ALOX12B: variants seen among roughly 807,000 people sequenced by gnomAD.
The protein encoded by ALOX12B is arachidonate 12-lipoxygenase, 12R-type.
In ALOX12B, 47 loss-of-function variants were observed where a neutral mutation model predicts 78.9. That is an observed-to-expected ratio of 0.60 (90% CI 0.47 to 0.76). The LOEUF is 0.76. Among genes scored for constraint, ALOX12B ranks in the 30% least tolerant of loss-of-function variants. The probability of loss-of-function intolerance (pLI) is 0.00; values close to 1 mark genes in which losing one functional copy is unlikely to be tolerated. For missense variants in ALOX12B, 805 were observed against 922.6 expected (o/e 0.87, Z 1.65); for synonymous variants, 370 against 374.5 (o/e 0.99, Z 0.14).
Position 8,080,071 on chromosome 17 carries a change from G to A in ALOX12B, c.755-130C>T. On this transcript the variant is annotated intron_variant, in intron 6 of 14. Transcript: ENST00000647874. This position sits in a 1 kb window ranked among gnomAD's most constrained non-coding sequence, Gnocchi z 4.8. ...AAAACGAGGCCCCCAGCCTGGCGCT[G>A]AGCGGCCGGAGGAGCCCGGTGCGAC... is the stretch of plus-strand genomic sequence containing the variant. 1 of 1,496,292 alleles carries A rather than the reference G, an allele frequency of 6.7e-7. No individual in the cohort carries two copies. The highest frequency in any genetic ancestry group is 9.2e-7 in the Non-Finnish European group (1 of 1,085,394). The allele number at this position is 1,496,292 out of a possible 1,614,324, so 92.7% of individuals were successfully genotyped here.
At chr17:8,073,432 G>T in intron 13 of ALOX12B, 114 bp from the exon 14 acceptor site, 2 of 1,465,232 alleles carry the variant, frequency 1.4e-6, no homozygotes, top group Non-Finnish European at 1.9e-6. Flanking sequence ...CGCCCTTGGC[G>T]CTGAGGCTGG....
Position 8,077,907 on chromosome 17 carries a change from C to T in ALOX12B, c.1072-714G>A, listed in dbSNP as rs1309505301. On this transcript the variant is annotated intron_variant, in intron 8 of 14. Coordinates refer to ENST00000647874, the MANE Select transcript of ALOX12B (RefSeq NM_001139.3). Reference sequence around the variant, plus strand: ...CATAGGGGCATACAAGTACAGCTGGCCCTCCGTATCCATGGGTTCCACACC... The same window carrying T: ...CATAGGGGCATACAAGTACAGCTGGTCCTCCGTATCCATGGGTTCCACACC... Among the ~76,000 whole-genome samples the T allele has an allele frequency of 2.6e-5, 4 of 152,256 alleles. No homozygotes were observed. In the East Asian group the frequency reaches 7.7e-4, roughly 29 times the overall value.
intron 2 of ALOX12B, among the ~76,000 whole-genome samples, chr17:8,082,110 A>G (rs1233231800): frequency 2.0e-5 from 3 of 152,172 alleles, no homozygotes; most frequent in Non-Finnish European, 4.4e-5. Context: ...CTGTGTATAT[A>G]TACCACATTT....
intron 12 of ALOX12B, among the ~76,000 whole-genome samples, chr17:8,074,944 A>G (rs560998324): frequency 1.2e-4 from 18 of 152,332 alleles, no homozygotes; most frequent in African/African-American, 3.4e-4. Context: ...TTAGCCAAGA[A>G]GTTAGATTTC....
At position 8,073,766 on chromosome 17, in the gene ALOX12B, CG is replaced by C; in HGVS notation, c.1655-10del. ...CAAGCACCTAGGGAAGCCTGACCGG[CG>C]GGGGAAAAGCCCAGGCGACATCAGT... On this transcript the variant is annotated splice_polypyrimidine_tract_variant and intron_variant, in intron 12 of 14. Coordinates refer to ENST00000647874, the MANE Select transcript of ALOX12B (RefSeq NM_001139.3). The C allele has an allele frequency of 6.2e-7, 1 of 1,612,064 alleles. No homozygotes were observed. Among genetic ancestry groups the C allele is most frequent in the South Asian group, 1.1e-5 (1 of 90,892 alleles).
intron 2 of ALOX12B, among the ~76,000 whole-genome samples, chr17:8,083,981 A>AC (rs1206993455): frequency 6.6e-6 from 1 of 151,826 alleles, no homozygotes; most frequent in Non-Finnish European, 1.5e-5. Flanking sequence ...ACACGGTGAA[A>AC]CCCCATCTGT....
At position 8,079,932 on chromosome 17, in the gene ALOX12B, G is replaced by T. The variant is rs1269636271; in HGVS notation, c.764C>A (p.Ala255Asp). Residue 255 changes from alanine to aspartate, a missense_variant, in exon 7 of 15, where the codon GCC (alanine) becomes GAC (aspartate). Coordinates refer to ENST00000647874, the MANE Select transcript of ALOX12B (RefSeq NM_001139.3). This position sits in a 1 kb window ranked among gnomAD's most constrained non-coding sequence, Gnocchi z 6.4. ...GKKSVVSEYV[A>D]EHWAEDTFFG... ...GAAGGTGTCCTCTGCCCAGTGCTCG[G>T]CCACGTACTCTGCGAGGACGGCGCG... 6 of 1,612,046 alleles carry T rather than the reference G, an allele frequency of 3.7e-6. No individual in the cohort carries two copies. Among genetic ancestry groups the T allele is most frequent in the Non-Finnish European group, 4.2e-6 (5 of 1,179,390 alleles).
chr17:8,076,116 C>A, intron 11 of ALOX12B, 59 bp downstream of exon 11: 1 of 1,608,232 alleles, frequency 6.2e-7, no homozygotes, highest in Non-Finnish European at 8.5e-7. Flanking sequence ...CTCCCCACAC[C>A]CTCTCCAACA....
At chr17:8,086,319 G>T (rs925294291) in intron 1 of ALOX12B, 99 bp from the exon 2 acceptor site, 4 of 1,210,542 alleles carry the variant, frequency 3.3e-6, no homozygotes, top group African/African-American at 1.5e-5. Flanking sequence ...CTCATGCTGC[G>T]CAATGCTCAC....
In ALOX12B at chr17:8,072,786, G is replaced by C; in HGVS notation, c.2091C>G (p.Asn697Lys). The C allele has an allele frequency of 6.2e-7, 1 of 1,614,252 alleles. No homozygotes were observed. The highest frequency in any genetic ancestry group is 8.5e-7 in the Non-Finnish European group (1 of 1,180,046). ...AAGCGCGCTCCTAAATAGAAATGCT[G>C]TTCTCAATCAGCACCGGGTCCAGGT... is the stretch of plus-strand genomic sequence containing the variant. ...YYYLDPVLIENSISI is the reference protein window; with the variant it reads ...YYYLDPVLIEKSISI The change falls in exon 15 of 15, where the codon AAC (asparagine) becomes AAG (lysine). Residue 697 changes from asparagine to lysine, a missense_variant. Asn to Lys is a moderately conservative substitution (Grantham distance 94). Transcript: ENST00000647874.
chr17:8,073,414 G>T, intron 13 of ALOX12B, 96 bp from the exon 14 acceptor site: 1 of 1,537,278 alleles, frequency 6.5e-7, no homozygotes, highest in South Asian at 1.1e-5. Flanking sequence ...TCGCTGAGAT[G>T]GACTCCCCGC....
rs1977012040 is a variant in ALOX12B, at chr17:8,072,954, C to A, written c.1927-4G>T. On this transcript the variant is annotated splice_region_variant and splice_polypyrimidine_tract_variant and intron_variant, in intron 14 of 14. Transcript: ENST00000647874. ...CCGGGAAGTGTCCCAGGGGCCGCTG[C>A]GGGCAGAGAGCTCGACAGCTGGGAC... is the stretch of plus-strand genomic sequence containing the variant. 1 of 1,609,816 alleles carries A rather than the reference C, an allele frequency of 6.2e-7. No homozygotes were observed. The highest frequency in any genetic ancestry group is 8.5e-7 in the Non-Finnish European group (1 of 1,177,600).
intron 1 of ALOX12B, 143 bp downstream of exon 1, chr17:8,087,153 C>A: frequency 1.6e-6 from 2 of 1,269,590 alleles, no homozygotes; most frequent in Non-Finnish European, 2.2e-6. Context: ...CTCTCCTCGC[C>A]AAGCTCAGCT....
At chr17:8,073,875 C>T in intron 12 of ALOX12B, 118 bp from the exon 13 acceptor site, 1 of 805,810 alleles carries the variant, frequency 1.2e-6, no homozygotes, top group Non-Finnish European at 2.1e-6. Flanking sequence ...GCTGCCGCAT[C>T]CGTACCCTCA....
intron 1 of ALOX12B, 55 bp from the exon 2 acceptor site, chr17:8,086,275 C>T (rs182985887): frequency 3.4e-4 from 537 of 1,571,188 alleles, no homozygotes; most frequent in Admixed American, 6.2e-4. Context: ...GGCTCCCAGG[C>T]CGCCCACCCC....
At chr17:8,073,463 G>T (rs1424620857) in intron 13 of ALOX12B, 145 bp from the exon 14 acceptor site, 9 of 1,172,046 alleles carry the variant, frequency 7.7e-6, no homozygotes, top group Non-Finnish European at 1.1e-5. Flanking sequence ...TTAGACTGGG[G>T]GTGGGGCTGG....
rs776497268 is a variant in ALOX12B, at chr17:8,086,045, T to C, written c.323A>G (p.Tyr108Cys). ...GGCCTCCCGGAGTGCCAGGGTCTCGTAGCCATCCATCCACTGGTAGGCGGG... is the reference window on the plus strand; with the variant it reads ...GGCCTCCCGGAGTGCCAGGGTCTCGCAGCCATCCATCCACTGGTAGGCGGG... ...HFPAYQWMDG[Y>C]ETLALREATG... The change falls in exon 2 of 15, where the codon TAC (tyrosine) becomes TGC (cysteine). Residue 108 changes from tyrosine to cysteine, a missense_variant. Tyr to Cys is a radical substitution (Grantham distance 194). Transcript: ENST00000647874. 8 of 1,614,136 alleles carry C rather than the reference T, an allele frequency of 5.0e-6. No homozygotes were observed. The highest frequency in any genetic ancestry group is 5.9e-6 in the Non-Finnish European group (7 of 1,180,006).
Position 8,081,134 on chromosome 17 carries a change from C to T in ALOX12B, c.406G>A (p.Glu136Lys). Reference protein sequence around the residue: ...LPVLLEHRKEEIRAKQDFYHW... With the variant: ...LPVLLEHRKEKIRAKQDFYHW... ...TAGAAGTCCTGCTTGGCTCTGATCTCCTCTTTTCTGTGCTCCAGGAGGACG... is the reference window on the plus strand; with the variant it reads ...TAGAAGTCCTGCTTGGCTCTGATCTTCTCTTTTCTGTGCTCCAGGAGGACG... The change falls in exon 3 of 15, where the codon GAG becomes AAG. Residue 136 changes from glutamate (E) to lysine (K), a missense_variant. By Grantham distance (56) the Glu-to-Lys change is moderately conservative. Coordinates refer to ENST00000647874, the MANE Select transcript of ALOX12B (RefSeq NM_001139.3). 1.2e-6 allele frequency: 2 copies of T among 1,613,880 alleles called. No individual in the cohort carries two copies. The highest frequency in any genetic ancestry group is 1.7e-6 in the Non-Finnish European group (2 of 1,179,996).
chr17:8,084,677 C>T (rs1480826419), intron 2 of ALOX12B, among the ~76,000 whole-genome samples: 1 of 152,232 alleles, frequency 6.6e-6, no homozygotes, highest in African/African-American at 2.4e-5. Context: ...GTTCCCCAAT[C>T]CTGGGGGAAG....
Sources: allele counts gnomAD v4.1 joint callset (sites outside exome capture counted in the v4.1 genomes callset), GRCh38; gene constraint gnomAD v4.1.1; non-coding constraint Gnocchi (gnomAD v3.1); transcripts MANE v1.5; gene names NCBI Gene and HGNC (gene_info 2026-07-23, HGNC 2026-07-21).